LRCH3: variants seen among roughly 807,000 people sequenced by gnomAD.
LRCH3 encodes DISP complex protein LRCH3.
Under a neutral mutation model 104.5 loss-of-function variants are expected in LRCH3, and 68 were observed. The ratio of observed to expected loss-of-function variants is 0.65; its 90% CI spans 0.54 to 0.80. LRCH3 has a LOEUF of 0.80. Ranked by LOEUF, LRCH3 falls within the 30% of genes least tolerant of loss-of-function variation. The pLI, the probability that LRCH3 is intolerant of heterozygous loss-of-function variation, is 0.00. For missense variants in LRCH3, 951 were observed against 953.9 expected, an observed-to-expected ratio of 1.00 and a Z score of 0.04; for synonymous variants, 344 against 361.3, an observed-to-expected ratio of 0.95 and a Z score of 0.54.
chr3:197,852,644 C>G, intron 13 of LRCH3, 24 bp downstream of exon 13: 1 of 1,607,342 alleles, frequency 6.2e-7, no homozygotes, highest in Middle Eastern at 1.7e-4. Flanking sequence ...ATCTCCTTTT[C>G]TTTGGAGTTG....
chr3:197,822,144 A>G (rs1481247090), intron 4 of LRCH3, among the ~76,000 whole-genome samples: 1 of 152,226 alleles, frequency 6.6e-6, no homozygotes, highest in Non-Finnish European at 1.5e-5. Context: ...ACTTTTATAT[A>G]CTTACTGCAA....
At chr3:197,874,020 A>G (rs1240693560) in intron 19 of LRCH3, among the ~76,000 whole-genome samples, 1 of 101,370 alleles carries the variant, frequency 9.9e-6, no homozygotes, top group East Asian at 3.1e-4. Flanking sequence ...ACTCTGTCTC[A>G]AAAGAAAAAA....
At chr3:197,821,862 C>T (rs150999364) in intron 4 of LRCH3, among the ~76,000 whole-genome samples, 6 of 152,222 alleles carry the variant, frequency 3.9e-5, no homozygotes, top group South Asian at 2.1e-4. Flanking sequence ...TTAGTAGAGA[C>T]GGGGTTTTGC....
chr3:197,854,559 T>A lies in LRCH3; in HGVS notation c.1644+114T>A. 4 of 1,007,986 alleles carry A rather than the reference T, an allele frequency of 4.0e-6. No homozygotes were observed. Among genetic ancestry groups the A allele is most frequent in the African/African-American group, 1.6e-5 (1 of 63,408 alleles). The allele number at this position is 1,007,986 out of a possible 1,614,324, so 62.4% of individuals were successfully genotyped here. On this transcript the variant is annotated intron_variant, in intron 14 of 20. Coordinates refer to ENST00000425562, the MANE Select transcript of LRCH3 (RefSeq NM_001365715.1). The surrounding 1 kb of genome is among the most constrained non-coding windows in gnomAD (Gnocchi z 4.5). ...TGATGAACATCATTACTAAATGCTT[T>A]ATGAAGAACTAAACCATTTTCCCAC... is the stretch of plus-strand genomic sequence containing the variant.
rs1027110425 is a variant in LRCH3, at chr3:197,826,970, A to G, written c.733A>G (p.Thr245Ala). 7.4e-6 allele frequency: 12 copies of G among 1,613,902 alleles called. No homozygotes were observed. In the Admixed American group the frequency reaches 1.0e-4, roughly 13 times the overall value. The change falls in exon 5 of 21, where the codon ACG (threonine) becomes GCG (alanine). Residue 245 changes from threonine (T) to alanine (A), a missense_variant. Coordinates refer to ENST00000425562, the MANE Select transcript of LRCH3 (RefSeq NM_001365715.1). Reference sequence around the variant, plus strand: ...TTATCGGAACCTCAGGCACCTACAGACGATCACCCTAGATAACAATCCACT... The same window carrying G: ...TTATCGGAACCTCAGGCACCTACAGGCGATCACCCTAGATAACAATCCACT... ...VCYRNLRHLQ[T>A]ITLDNNPLQS...
intron 1 of LRCH3, among the ~76,000 whole-genome samples, chr3:197,799,784 G>A (rs1358088744): frequency 6.6e-6 from 1 of 152,078 alleles, no homozygotes; most frequent in Non-Finnish European, 1.5e-5. Flanking sequence ...TGAGGCAGGG[G>A]AATTGCTTAT....
At chr3:197,808,519 T>A (rs1732754990) in intron 1 of LRCH3, among the ~76,000 whole-genome samples, 1 of 152,224 alleles carries the variant, frequency 6.6e-6, no homozygotes, top group Non-Finnish European at 1.5e-5. Flanking sequence ...TCTCTCAGTT[T>A]TCATTCATCT....
rs551914824 is a variant in LRCH3 at position 197,835,812 on chromosome 3, T to C, written c.1241T>C (p.Ile414Thr). ...QFMAYIEQRR[I>T]SHEGSPVKPV... ...ATGGCGTATATTGAACAGCGGCGAATCTCTCATGAGGTAGTACACAGATTG... is the reference window on the plus strand; with the variant it reads ...ATGGCGTATATTGAACAGCGGCGAACCTCTCATGAGGTAGTACACAGATTG... The change falls in exon 9 of 21, where the codon ATC (isoleucine) becomes ACC (threonine). Residue 414 changes from isoleucine (I) to threonine (T), a missense_variant. Coordinates refer to ENST00000425562, the MANE Select transcript of LRCH3 (RefSeq NM_001365715.1). 17 of 1,614,030 alleles carry C rather than the reference T, an allele frequency of 1.1e-5. No homozygotes were observed. Among genetic ancestry groups the C allele is most frequent in the Non-Finnish European group, 1.4e-5 (17 of 1,180,020 alleles).
intron 12 of LRCH3, chr3:197,848,339 G>GC (rs1417996547): frequency 4.9e-6 from 1 of 205,980 alleles, no homozygotes; most frequent in Non-Finnish European, 9.9e-6. Context: ...GGCCCGTGCA[G>GC]ATGCAAACTG....
chr3:197,805,093 C>G (rs150456647), intron 1 of LRCH3, among the ~76,000 whole-genome samples: 1 of 152,022 alleles, frequency 6.6e-6, no homozygotes, highest in African/African-American at 2.4e-5. Flanking sequence ...GGGGTTTCAC[C>G]GTGTTGGTCA....
chr3:197,857,567 G>A (rs73210168), intron 14 of LRCH3, among the ~76,000 whole-genome samples: 26 of 152,074 alleles, frequency 1.7e-4, no homozygotes, highest in Non-Finnish European at 2.6e-4. Flanking sequence ...CATTCTCTTC[G>A]GGCTACCCCT....
intron 12 of LRCH3, chr3:197,850,887 C>T (rs200748390): frequency 6.0e-5 from 53 of 885,552 alleles, no homozygotes; most frequent in Middle Eastern, 6.5e-4. Context: ...AAAGTGAACA[C>T]GAAGATTGGA....
intron 4 of LRCH3, among the ~76,000 whole-genome samples, chr3:197,826,588 T>C (rs1020918782): frequency 2.6e-5 from 4 of 152,232 alleles, no homozygotes; most frequent in Non-Finnish European, 5.9e-5. Flanking sequence ...CTAATCCTTT[T>C]GTTATCCTCA....
chr3:197,861,086 C>A (rs1740828217), intron 15 of LRCH3, among the ~76,000 whole-genome samples: 1 of 151,772 alleles, frequency 6.6e-6, no homozygotes, highest in Non-Finnish European at 1.5e-5. Flanking sequence ...GATTCTCATG[C>A]CTCAGGCTTC....
chr3:197,814,821 A>AT (rs1733621665), intron 1 of LRCH3, 87 bp from the exon 2 acceptor site: 2 of 1,165,804 alleles, frequency 1.7e-6, no homozygotes, highest in East Asian at 2.7e-5. Context: ...TAATAGTTTT[A>AT]TTTTTTAGTT....
At chr3:197,806,177 C>T (rs746537147) in intron 1 of LRCH3, among the ~76,000 whole-genome samples, 3 of 152,100 alleles carry the variant, frequency 2.0e-5, no homozygotes, top group Non-Finnish European at 4.4e-5. Context: ...CCACCTGCCT[C>T]GGCCTCCCAA....
chr3:197,834,136 T>C (rs1736363652), intron 8 of LRCH3, among the ~76,000 whole-genome samples: 1 of 152,210 alleles, frequency 6.6e-6, no homozygotes. Flanking sequence ...CGTCATGAAG[T>C]AACAGGTTGT....
At chr3:197,800,796 A>G (rs1432609667) in intron 1 of LRCH3, among the ~76,000 whole-genome samples, 4 of 152,172 alleles carry the variant, frequency 2.6e-5, no homozygotes, top group African/African-American at 7.2e-5. Context: ...GGATAAATCA[A>G]TTGTGTGAAA....
At position 197,883,346 on chromosome 3, in the gene LRCH3, TTAA is replaced by T; in HGVS notation, c.2209-191_2209-189del. The T allele has an allele frequency of 7.2e-7, 1 of 1,383,350 alleles. No individual in the cohort carries two copies. Among genetic ancestry groups the T allele is most frequent in the Non-Finnish European group, 9.3e-7 (1 of 1,069,932 alleles). 85.7% of individuals were successfully genotyped at this position (1,383,350 alleles called of 1,614,324 possible). A position where few individuals can be genotyped will look rare whatever the true frequency, so the allele number is the denominator to read the frequency against. ...TGATCTGTATGTACTTTTAGTTGTATTAATAAAGTGACAGTGAGTGTCAGACAC... is the reference window on the plus strand; with the variant it reads ...TGATCTGTATGTACTTTTAGTTGTATTAAAGTGACAGTGAGTGTCAGACAC... On this transcript the variant is annotated intron_variant, in intron 20 of 20. Transcript: ENST00000425562. This position sits in a 1 kb window ranked among gnomAD's most constrained non-coding sequence, Gnocchi z 4.2.
Sources: allele counts gnomAD v4.1 joint callset (sites outside exome capture counted in the v4.1 genomes callset), GRCh38; gene constraint gnomAD v4.1.1; non-coding constraint Gnocchi (gnomAD v3.1); transcripts MANE v1.5; gene names NCBI Gene and HGNC (gene_info 2026-07-23, HGNC 2026-07-21).